RIPOR3: variants seen among roughly 807,000 people sequenced by gnomAD.
The protein encoded by RIPOR3 is RIPOR family member 3.
In RIPOR3, 95 loss-of-function variants were observed where a neutral mutation model predicts 114.3. That is an observed-to-expected ratio of 0.83 (90% CI 0.70 to 0.99). The LOEUF is 0.99. RIPOR3 is among the 50% of genes least tolerant of loss of function. The pLI, the probability that RIPOR3 is intolerant of heterozygous loss-of-function variation, is 0.00. For synonymous variants in RIPOR3, 575 were observed against 543.8 expected, an observed-to-expected ratio of 1.06 and a Z score of -0.80; for missense variants, 1,252 against 1,266.9, an observed-to-expected ratio of 0.99 and a Z score of 0.18.
intron 9 of RIPOR3, 67 bp from the exon 10 acceptor site, chr20:50,608,805 C>G (rs2083829418): frequency 6.2e-7 from 1 of 1,612,448 alleles, no homozygotes; most frequent in African/African-American, 1.3e-5. Flanking sequence ...CGCCCAGGGC[C>G]CTCCCTGCCA....
chr20:50,628,926 C>G (rs1054764561), intron 2 of RIPOR3, among the ~76,000 whole-genome samples: 1 of 152,160 alleles, frequency 6.6e-6, no homozygotes, highest in African/African-American at 2.4e-5. Context: ...GTCCTATCCC[C>G]GCAGCAAATG....
chr20:50,630,819 G>T lies in RIPOR3; in HGVS notation c.41C>A (p.Pro14His). Residue 14 changes from proline (P) to histidine (H), a missense_variant, in exon 2 of 22, where the codon CCT becomes CAT. Coordinates refer to ENST00000327979, the MANE Select transcript of RIPOR3 (RefSeq NM_001290268.2). ...TMSVRLRFLS[P>H]GDTGAVGVVG... is the part of the protein sequence containing the mutation. ...GACCCCCACGGCCCCTGTGTCCCCA[G>T]GGGACAGGAACCGCAACCTCACCGA... 6.2e-7 allele frequency: 1 copy of T among 1,610,334 alleles called. No individual in the cohort carries two copies.
At chr20:50,620,244 C>T (rs142394446) in intron 2 of RIPOR3, 112 bp from the exon 3 acceptor site, 77 of 1,303,544 alleles carry the variant, frequency 5.9e-5, no homozygotes, top group African/African-American at 2.8e-4. Context: ...TCAGGAGACC[C>T]GGCTCAGTCC....
intron 1 of RIPOR3, among the ~76,000 whole-genome samples, chr20:50,657,292 C>T (rs2085845039): frequency 1.3e-5 from 2 of 152,188 alleles, no homozygotes; most frequent in African/African-American, 4.8e-5. Flanking sequence ...TTTAGGAGAC[C>T]TAGGCAGGTG....
At chr20:50,597,522 C>T (rs543620674) in intron 14 of RIPOR3, 58 bp downstream of exon 14, 25 of 1,557,142 alleles carry the variant, frequency 1.6e-5, no homozygotes, top group East Asian at 9.6e-5. Context: ...ACGTGGAGCT[C>T]GGGTCACCCG....
chr20:50,622,553 C>T (rs1002045850), intron 2 of RIPOR3, among the ~76,000 whole-genome samples: 4 of 152,054 alleles, frequency 2.6e-5, no homozygotes, highest in Admixed American at 1.3e-4. Context: ...GCGGGAATAA[C>T]GGTATGCTGG....
At position 50,608,498 on chromosome 20, in the gene RIPOR3, C is replaced by T. The variant is rs2083812637; in HGVS notation, c.847G>A (p.Gly283Ser). Residue 283 changes from glycine (G) to serine (S), a missense_variant, in exon 11 of 22, where the codon GGT becomes AGT. Transcript: ENST00000327979. Reference protein sequence around the residue: ...ELRGLGSLAVGAVTCDIADFF... With the variant: ...ELRGLGSLAVSAVTCDIADFF... ...TCGGCGATGTCACACGTCACTGCAC[C>T]CACAGCCAGCGAGCCCAGGCCCCGC... The T allele has an allele frequency of 1.9e-6, 3 of 1,613,920 alleles. No individual in the cohort carries two copies. Among genetic ancestry groups the T allele is most frequent in the Non-Finnish European group, 1.7e-6 (2 of 1,179,920 alleles).
chr20:50,652,570 G>A lies in RIPOR3; in HGVS notation c.4-21714C>T, dbSNP rs1297698545. Reference sequence around the variant, plus strand: ...TGCAACACGGCACTCCAGCCTGGGCGACAGAGAGAGATTCTGTCTCAAAAA... The same window carrying A: ...TGCAACACGGCACTCCAGCCTGGGCAACAGAGAGAGATTCTGTCTCAAAAA... On this transcript the variant is annotated intron_variant, in intron 1 of 21. Transcript: ENST00000327979. 3.1e-5 allele frequency among the ~76,000 whole-genome samples: 4 copies of A among 129,916 alleles called. No homozygotes were observed. In the South Asian group the frequency reaches 7.5e-4, roughly 24 times the overall value. The allele number at this position is 129,916 out of a possible 152,430, so 85.2% of individuals were successfully genotyped here.
chr20:50,632,885 G>A (rs2084865535), intron 1 of RIPOR3, among the ~76,000 whole-genome samples: 1 of 152,196 alleles, frequency 6.6e-6, no homozygotes, highest in East Asian at 1.9e-4. Context: ...GGAGAGCCTT[G>A]CACTGGGGCC....
chr20:50,668,120 C>T (rs1309460694), intron 1 of RIPOR3, among the ~76,000 whole-genome samples: 1 of 152,172 alleles, frequency 6.6e-6, no homozygotes, highest in African/African-American at 2.4e-5. Flanking sequence ...TGCCCTCAGT[C>T]TGAGGCTTGC....
At chr20:50,630,682 A>C (rs2084788831) in intron 2 of RIPOR3, 56 bp downstream of exon 2, 1 of 1,419,884 alleles carries the variant, frequency 7.0e-7, no homozygotes, top group African/African-American at 1.4e-5. Context: ...GCCCTTCCCC[A>C]GCCCATTAAC....
intron 9 of RIPOR3, 46 bp from the exon 10 acceptor site, chr20:50,608,784 C>A: frequency 6.2e-7 from 1 of 1,612,502 alleles, no homozygotes; most frequent in East Asian, 2.2e-5. Flanking sequence ...GGTGGGTGTC[C>A]CCTTGCTGTC....
intron 1 of RIPOR3, among the ~76,000 whole-genome samples, chr20:50,647,905 C>G (rs1489322658): frequency 6.6e-6 from 1 of 152,156 alleles, no homozygotes; most frequent in Non-Finnish European, 1.5e-5. Context: ...AGGACTTGCT[C>G]TTTTTCTCTT....
At chr20:50,658,412 A>C (rs1159667008) in intron 1 of RIPOR3, among the ~76,000 whole-genome samples, 1 of 152,184 alleles carries the variant, frequency 6.6e-6, no homozygotes, top group African/African-American at 2.4e-5. Context: ...CAGAGACAGA[A>C]ATCAGAATGG....
chr20:50,609,648 G>A lies in RIPOR3; in HGVS notation c.501C>T (p.Phe167=), dbSNP rs767897900. Residue 167 remains phenylalanine (F), a synonymous_variant, in exon 7 of 22, where the codon TTC becomes TTT. Transcript: ENST00000327979. ...RDGASSMQRA[F]ARCPPSRAAR... ...CTGCGCGGCTCGGGGGGCACCGGGC[G>A]AAGGCCCGCTGCATGCTGGAGGCGC... 1.2e-5 allele frequency: 17 copies of A among 1,399,444 alleles called. No homozygotes were observed. Among genetic ancestry groups the A allele is most frequent in the Admixed American group, 1.0e-4 (3 of 29,172 alleles). 86.7% of individuals were successfully genotyped at this position (1,399,444 alleles called of 1,614,324 possible).
intron 21 of RIPOR3, 103 bp from the exon 22 acceptor site, chr20:50,587,435 T>G: frequency 1.0e-6 from 1 of 959,914 alleles, no homozygotes; most frequent in South Asian, 1.3e-5. Context: ...TGGGTCTCAG[T>G]GGTCTCTGCA....
intron 20 of RIPOR3, among the ~76,000 whole-genome samples, chr20:50,589,031 G>A (rs185138118): frequency 1.1e-4 from 15 of 135,284 alleles, no homozygotes; most frequent in East Asian, 7.3e-4. Flanking sequence ...GCAGTGAGCC[G>A]AGATCGCGCC....
chr20:50,608,298 G>A, intron 11 of RIPOR3, 91 bp downstream of exon 11: 2 of 1,568,230 alleles, frequency 1.3e-6, no homozygotes, highest in Non-Finnish European at 1.7e-6. Context: ...CCTTGGCAGA[G>A]GCTGGTGCAG....
chr20:50,590,233 G>A (rs959456883), intron 19 of RIPOR3, among the ~76,000 whole-genome samples: 3 of 152,152 alleles, frequency 2.0e-5, no homozygotes, highest in South Asian at 2.1e-4. Context: ...TGCCCTCTTC[G>A]GTCTCACGAC....
Sources: gnomAD v4.1 joint callset for allele counts (sites outside exome capture counted in the v4.1 genomes callset) on GRCh38, gnomAD v4.1.1 for gene constraint, MANE v1.5 for transcripts, NCBI Gene and HGNC (gene_info 2026-07-23, HGNC 2026-07-21) for gene names.